The following CD300LB variants were observed in gnomAD, a reference collection of about 807,000 sequenced individuals.
CD300LB encodes the protein CMRF35-like molecule 7.
A neutral mutation model predicts 20.8 loss-of-function variants in CD300LB; 18 were observed. The observed-to-expected ratio is 0.87, with a 90% CI of 0.60 to 1.28. The LOEUF is 1.28. CD300LB is among the 50% of genes most tolerant of loss of function. The pLI is 0.00. For synonymous variants in CD300LB, 91 were observed against 91.3 expected (o/e 1.00, Z 0.02); for missense variants, 222 against 251.8 (o/e 0.88, Z 0.80).
At position 74,521,576 on chromosome 17, in the gene CD300LB, G is replaced by A; in HGVS notation, c.*1162C>T. On this transcript the variant is annotated 3_prime_UTR_variant, in exon 4 of 4. Transcript: ENST00000392621. ...AAGGACAAGAAGAGGGGAGGCTCTG[G>A]GTGCCATGCTAGGGACCAGAGGGTC... 1 of 985,484 alleles carries A rather than the reference G, an allele frequency of 1.0e-6. No homozygotes were observed. Among genetic ancestry groups the A allele is most frequent in the Non-Finnish European group, 1.2e-6 (1 of 829,962 alleles). The allele number at this position is 985,484 out of a possible 1,614,324, so 61.0% of individuals were successfully genotyped here.
chr17:74,524,620 A>G (rs1449336993), intron 2 of CD300LB, among the ~76,000 whole-genome samples: 1 of 152,020 alleles, frequency 6.6e-6, no homozygotes, highest in African/African-American at 2.4e-5. Context: ...AAACAAAACA[A>G]AACAAAAAAG....
At chr17:74,527,807 C>T (rs1001385768) in intron 1 of CD300LB, among the ~76,000 whole-genome samples, 6 of 152,164 alleles carry the variant, frequency 3.9e-5, no homozygotes, top group Non-Finnish European at 8.8e-5. Flanking sequence ...GGTTCCCAAC[C>T]CCAGGACAAC....
intron 1 of CD300LB, among the ~76,000 whole-genome samples, chr17:74,526,940 G>A (rs1036809986): frequency 6.6e-6 from 1 of 152,090 alleles, no homozygotes; most frequent in Non-Finnish European, 1.5e-5. Context: ...TCCATGGAGG[G>A]AGTCTCTCCA....
chr17:74,525,152 G>T (rs1907991974), intron 2 of CD300LB, among the ~76,000 whole-genome samples: 1 of 152,124 alleles, frequency 6.6e-6, no homozygotes. Context: ...TATCAGTAGA[G>T]TCCAAGGCAT....
At chr17:74,522,922 T>A (rs1907926895) in intron 3 of CD300LB, 22 bp from the exon 4 acceptor site, 1 of 1,609,310 alleles carries the variant, frequency 6.2e-7, no homozygotes, top group Non-Finnish European at 8.5e-7. Flanking sequence ...GATGCAGTGG[T>A]CAGAGCCCTG....
intron 1 of CD300LB, among the ~76,000 whole-genome samples, chr17:74,528,526 C>T (rs1433294643): frequency 6.6e-6 from 1 of 152,232 alleles, no homozygotes; most frequent in Non-Finnish European, 1.5e-5. Context: ...AGCTCCACCA[C>T]CCAGCCTTCA....
At position 74,522,029 on chromosome 17, in the gene CD300LB, C is replaced by G. The variant is rs780341425; in HGVS notation, c.*709G>C. 9.1e-6 allele frequency: 9 copies of G among 985,414 alleles called. No homozygotes were observed. The highest frequency in any genetic ancestry group is 9.6e-6 in the Non-Finnish European group (8 of 829,950). The allele number at this position is 985,414 out of a possible 1,614,324, so 61.0% of individuals were successfully genotyped here. A position where few individuals can be genotyped will look rare whatever the true frequency, so the allele number is the denominator to read the frequency against. On this transcript the variant is annotated 3_prime_UTR_variant, in exon 4 of 4. Transcript: ENST00000392621. ...CTGTCATGCTGAGGAGGCTCCCAAG[C>G]TGCAGCCCCTCGGAGGTGGGGGAAT...
intron 3 of CD300LB, 25 bp from the exon 4 acceptor site, chr17:74,522,925 G>T (rs1018258756): frequency 6.2e-7 from 1 of 1,607,648 alleles, no homozygotes; most frequent in South Asian, 1.1e-5. Flanking sequence ...GCAGTGGTCA[G>T]AGCCCTGGGC....
In CD300LB at chr17:74,521,221, G is replaced by C; in HGVS notation, c.*1517C>G. 3.7e-6 allele frequency: 1 copy of C among 266,928 alleles called. No homozygotes were observed. The allele number at this position is 266,928 out of a possible 1,614,324, so 16.5% of individuals were successfully genotyped here. A position where few individuals can be genotyped will look rare whatever the true frequency, so the allele number is the denominator to read the frequency against. ...TTGAATATCAACAGGAAGAAACGGT[G>C]GGAAAAGAATGACATCACGTTGACA... On this transcript the variant is annotated 3_prime_UTR_variant, in exon 4 of 4. Transcript: ENST00000392621.
In CD300LB at chr17:74,526,627, T is replaced by C. The variant is rs572618869; in HGVS notation, c.41-550A>G. Among the ~76,000 whole-genome samples the C allele has an allele frequency of 5.3e-4, 81 of 152,240 alleles. 1 individual carries two copies. The highest frequency in any genetic ancestry group is 1.9e-3 in the African/African-American group (77 of 41,528). ...ATGCGGGAGGCTGAAGCATGAAAAT[T>C]GCTTGAACCCGGGAGGCGGAGGTTG... On this transcript the variant is annotated intron_variant, in intron 1 of 3. Coordinates refer to ENST00000392621, the MANE Select transcript of CD300LB (RefSeq NM_174892.4).
At chr17:74,524,327 G>A (rs867889678) in intron 2 of CD300LB, among the ~76,000 whole-genome samples, 4 of 152,244 alleles carry the variant, frequency 2.6e-5, no homozygotes, top group African/African-American at 7.2e-5. Flanking sequence ...GGTGGTTCAC[G>A]CCTGTAATCC....
Position 74,522,623 on chromosome 17 carries a change from G to T in CD300LB, c.*115C>A. On this transcript the variant is annotated 3_prime_UTR_variant, in exon 4 of 4. Transcript: ENST00000392621. ...CACCAGCTCCAAGGCCAGGGCGGAG[G>T]CCCAGGGCCCCTATCTCAGTCACTG... The T allele has an allele frequency of 1.3e-6, 2 of 1,530,118 alleles. No homozygotes were observed. The highest frequency in any genetic ancestry group is 1.8e-6 in the Non-Finnish European group (2 of 1,140,802). The allele number at this position is 1,530,118 out of a possible 1,614,324, so 94.8% of individuals were successfully genotyped here.
intron 1 of CD300LB, among the ~76,000 whole-genome samples, chr17:74,530,602 TAG>T (rs891288599): frequency 1.4e-4 from 20 of 146,546 alleles, no homozygotes; most frequent in Non-Finnish European, 2.1e-4. Flanking sequence ...CCCAACTCTC[TAG>T]AGTGTTCTCC....
chr17:74,522,935 C>T (rs756677934), intron 3 of CD300LB, 35 bp from the exon 4 acceptor site: 30 of 1,595,750 alleles, frequency 1.9e-5, no homozygotes, highest in Non-Finnish European at 2.4e-5. Flanking sequence ...GAGCCCTGGG[C>T]ATCCCCAGGC....
At chr17:74,524,678 A>G (rs1441419464) in intron 2 of CD300LB, among the ~76,000 whole-genome samples, 1 of 152,210 alleles carries the variant, frequency 6.6e-6, no homozygotes, top group Non-Finnish European at 1.5e-5. Context: ...AGCTGCAGGT[A>G]ATTCCAATCA....
intron 1 of CD300LB, among the ~76,000 whole-genome samples, chr17:74,526,591 T>C (rs1341151868): frequency 6.6e-6 from 1 of 152,174 alleles, no homozygotes; most frequent in Non-Finnish European, 1.5e-5. Context: ...CAGTCACCTG[T>C]AGTCTCAGCT....
At position 74,528,802 on chromosome 17, in the gene CD300LB, C is replaced by T. The variant is rs528494534; in HGVS notation, c.40+2509G>A. Among the ~76,000 whole-genome samples the T allele has an allele frequency of 2.0e-5, 3 of 152,340 alleles. No homozygotes were observed. The South Asian group carries it at 6.2e-4, about 32-fold the overall frequency. ...ATCGCTTCCTTATTCATAAGACAGT[C>T]ATGCTACGCTCTACTTTGAAGGTGG... On this transcript the variant is annotated intron_variant, in intron 1 of 3. Coordinates refer to ENST00000392621, the MANE Select transcript of CD300LB (RefSeq NM_174892.4).
intron 1 of CD300LB, among the ~76,000 whole-genome samples, chr17:74,530,391 A>G (rs997678149): frequency 1.3e-5 from 2 of 152,160 alleles, no homozygotes; most frequent in African/African-American, 4.8e-5. Context: ...TGAAAGTCTC[A>G]GCTCCTGAGC....
chr17:74,527,489 T>C (rs527485977), intron 1 of CD300LB, among the ~76,000 whole-genome samples: 77 of 152,320 alleles, frequency 5.1e-4, no homozygotes, highest in African/African-American at 1.7e-3. Context: ...TTCTTGAACT[T>C]TGCATTCGTG....
Sources: gnomAD v4.1 joint callset for allele counts (sites outside exome capture counted in the v4.1 genomes callset) on GRCh38, gnomAD v4.1.1 for gene constraint, MANE v1.5 for transcripts, NCBI Gene and HGNC (gene_info 2026-07-23, HGNC 2026-07-21) for gene names.